Variants in PCDHA2 observed in about 807,000 individuals in gnomAD.
PCDHA2 encodes the protein protocadherin alpha 2, also known as protocadherin alpha-2.
In PCDHA2, 58 loss-of-function variants were observed where a neutral mutation model predicts 66.0. The ratio of observed to expected loss-of-function variants is 0.88; its 90% confidence interval spans 0.71 to 1.09. The LOEUF is 1.09. Among genes scored for constraint, PCDHA2 ranks in the 50% least tolerant of loss-of-function variants. The pLI is 0.00. For synonymous variants in PCDHA2, 634 were observed against 554.0 expected, an observed-to-expected ratio of 1.14 and a Z score of -2.03; for missense variants, 1,267 against 1,242.3, an observed-to-expected ratio of 1.02 and a Z score of -0.30.
At chr5:140,987,011 C>G (rs1266225593) in intron 3 of PCDHA2, among the ~76,000 whole-genome samples, 1 of 151,990 alleles carries the variant, frequency 6.6e-6, no homozygotes, top group African/African-American at 2.4e-5. Context: ...GTCATGAGTT[C>G]GAGACCAGCC....
intron 1 of PCDHA2, chr5:140,810,079 A>G (rs1764597643): frequency 6.5e-6 from 1 of 153,852 alleles, no homozygotes; most frequent in Non-Finnish European, 1.4e-5. Context: ...ACGTTATCTA[A>G]TTGGACTTGC....
intron 1 of PCDHA2, chr5:140,813,734 G>C (rs1350848138): frequency 2.0e-5 from 3 of 152,336 alleles, no homozygotes; most frequent in Non-Finnish European, 4.4e-5. Flanking sequence ...GGTGGCTCAT[G>C]CCTGTAATCC....
chr5:140,882,918 G>A (rs1554176085), intron 1 of PCDHA2: 1 of 1,614,186 alleles, frequency 6.2e-7, no homozygotes, highest in South Asian at 1.1e-5. Context: ...GCCAGTGATG[G>A]AGGTAAACCC....
chr5:140,895,136 A>G (rs781801401), intron 1 of PCDHA2, among the ~76,000 whole-genome samples: 43 of 152,306 alleles, frequency 2.8e-4, no homozygotes, highest in Non-Finnish European at 5.6e-4. Context: ...ACAAGTTCAT[A>G]GGGCTAAGAC....
intron 1 of PCDHA2, chr5:140,849,762 C>T (rs2150448750): frequency 1.3e-6 from 2 of 1,598,528 alleles, no homozygotes; most frequent in Middle Eastern, 1.7e-4. Flanking sequence ...CGCCTACGAG[C>T]TGGTGGTTAC....
chr5:140,967,487 G>C, intron 1 of PCDHA2: 8 of 1,613,290 alleles, frequency 5.0e-6, no homozygotes, highest in Non-Finnish European at 6.8e-6. Context: ...CTCGGGTACG[G>C]CACAGATCTC....
chr5:140,826,588 A>T (rs1554130595), intron 1 of PCDHA2, among the ~76,000 whole-genome samples: 1 of 152,184 alleles, frequency 6.6e-6, no homozygotes, highest in African/African-American at 2.4e-5. Flanking sequence ...CAAATGGATA[A>T]CATTAAGGTT....
chr5:140,941,185 C>CTTTTT (rs782102770), intron 1 of PCDHA2, among the ~76,000 whole-genome samples: 1 of 102,242 alleles, frequency 9.8e-6, no homozygotes, highest in African/African-American at 3.6e-5. Context: ...CATCCTGCTT[C>CTTTTT]TTTTTTTTTC....
At chr5:140,806,252 G>T (rs1303770813) in intron 1 of PCDHA2, among the ~76,000 whole-genome samples, 1 of 151,996 alleles carries the variant, frequency 6.6e-6, no homozygotes, top group Non-Finnish European at 1.5e-5. Flanking sequence ...AAAAGCTATT[G>T]GAAGCAGGAA....
At chr5:140,821,659 T>C in intron 1 of PCDHA2, 4 of 1,173,458 alleles carry the variant, frequency 3.4e-6, no homozygotes, top group Non-Finnish European at 4.8e-6. Context: ...TTTTTGGCTG[T>C]GCCAAGAAGC....
At chr5:140,969,235 A>G (rs781795606) in intron 1 of PCDHA2, 2 of 1,614,206 alleles carry the variant, frequency 1.2e-6, no homozygotes, top group Non-Finnish European at 1.7e-6. Flanking sequence ...CGGGAGCCCA[A>G]GCAGCAGTGA....
rs147378308 is a variant in PCDHA2, at chr5:140,807,215, G to A, written c.2388+9863G>A. 1.2e-6 allele frequency: 2 copies of A among 1,613,970 alleles called. No individual in the cohort carries two copies. The highest frequency in any genetic ancestry group is 1.7e-6 in the Non-Finnish European group (2 of 1,179,870). ...GGAGTTTTCCTGGGGAAGCGGCCAG[G>A]AATCCCGGCGTCTGCTGCTCTTACT... On this transcript the variant is annotated intron_variant, in intron 1 of 3. Transcript: ENST00000526136.
chr5:140,839,341 G>C (rs2150296500), intron 1 of PCDHA2, among the ~76,000 whole-genome samples: 1 of 150,798 alleles, frequency 6.6e-6, no homozygotes, highest in Non-Finnish European at 1.5e-5. Context: ...AGTTGATAGG[G>C]GATCCTCCTT....
chr5:140,885,924 TTATC>T lies in PCDHA2; in HGVS notation c.2388+88576_2388+88579del, dbSNP rs554293197. Among the ~76,000 whole-genome samples the T allele has an allele frequency of 1.1e-3, 168 of 152,304 alleles. 1 individual carries two copies. The highest frequency in any genetic ancestry group is 9.9e-3 in the South Asian group (48 of 4,826). ...TCTGTACCTTATAGATATTAACTGT[TTATC>T]TATTTTTTGACATTTTTAATTAAAA... On this transcript the variant is annotated intron_variant, in intron 1 of 3. Coordinates refer to ENST00000526136, the MANE Select transcript of PCDHA2 (RefSeq NM_018905.3).
At chr5:140,955,124 CTG>C (rs1404094455) in intron 1 of PCDHA2, among the ~76,000 whole-genome samples, 1 of 152,016 alleles carries the variant, frequency 6.6e-6, no homozygotes. Context: ...TTCTGTTCCA[CTG>C]GTCTACACGT....
At chr5:140,951,948 A>G (rs2153694438) in intron 1 of PCDHA2, among the ~76,000 whole-genome samples, 1 of 152,322 alleles carries the variant, frequency 6.6e-6, no homozygotes, top group South Asian at 2.1e-4. Context: ...GTGCGGGTAC[A>G]GGCATTGGGT....
chr5:140,817,978 C>A (rs1367059541), intron 1 of PCDHA2, among the ~76,000 whole-genome samples: 3 of 152,266 alleles, frequency 2.0e-5, no homozygotes, highest in East Asian at 3.9e-4. Context: ...TTCTGTCTAG[C>A]TACTTTGTAT....
intron 1 of PCDHA2, chr5:140,822,581 A>T: frequency 6.2e-7 from 1 of 1,610,708 alleles, no homozygotes; most frequent in Non-Finnish European, 8.5e-7. Flanking sequence ...TCAGATGCAG[A>T]TGAGGGCATC....
At chr5:140,906,821 G>A (rs1354317622) in intron 1 of PCDHA2, among the ~76,000 whole-genome samples, 7 of 152,220 alleles carry the variant, frequency 4.6e-5, no homozygotes, top group Non-Finnish European at 7.3e-5. Flanking sequence ...CCACTGTGGA[G>A]TAGTAGACTG....
Sources: gnomAD v4.1 joint callset for allele counts (sites outside exome capture counted in the v4.1 genomes callset) on GRCh38, gnomAD v4.1.1 for gene constraint, MANE v1.5 for transcripts, NCBI Gene and HGNC (gene_info 2026-07-23, HGNC 2026-07-21) for gene names.